Variants in KDM4C observed in about 807,000 individuals in gnomAD.
KDM4C encodes lysine-specific demethylase 4C.
In KDM4C, 81 loss-of-function variants were observed where a neutral mutation model predicts 129.3. That is an observed-to-expected ratio of 0.63 (90% CI 0.52 to 0.75). The LOEUF is 0.75. KDM4C is among the 30% of genes least tolerant of loss of function. The pLI is 0.00. For missense variants in KDM4C, 1,457 were observed against 1,304.0 expected (o/e 1.12, Z -1.81); for synonymous variants, 573 against 456.1 (o/e 1.26, Z -3.26).
chr9:7,112,355 G>T (rs1472332205), intron 18 of KDM4C, among the ~76,000 whole-genome samples: 3 of 152,082 alleles, frequency 2.0e-5, no homozygotes, highest in African/African-American at 4.8e-5. Flanking sequence ...GTGGATTAGA[G>T]AGTAGAAGGG....
intron 6 of KDM4C, among the ~76,000 whole-genome samples, chr9:6,884,438 T>C (rs924731414): frequency 1.3e-5 from 2 of 152,216 alleles, no homozygotes; most frequent in African/African-American, 2.4e-5. Flanking sequence ...ACTGAACCAA[T>C]TTTCTATACC....
At chr9:7,099,194 G>A (rs1836796983) in intron 17 of KDM4C, among the ~76,000 whole-genome samples, 1 of 152,032 alleles carries the variant, frequency 6.6e-6, no homozygotes, top group Admixed American at 6.5e-5. Context: ...GCCTGTTTGT[G>A]GAAGAAAAAA....
chr9:7,013,145 G>A (rs954084109), intron 13 of KDM4C, among the ~76,000 whole-genome samples: 9 of 151,996 alleles, frequency 5.9e-5, no homozygotes, highest in African/African-American at 2.2e-4. Flanking sequence ...AATAAGATTT[G>A]TGGAGATTTA....
chr9:6,808,741 C>G (rs945551780), intron 3 of KDM4C, among the ~76,000 whole-genome samples: 1 of 143,696 alleles, frequency 7.0e-6, no homozygotes, highest in African/African-American at 2.6e-5. Flanking sequence ...CTGCCATATT[C>G]TGTTTGTTAC....
rs1489556611 is a variant in KDM4C, at chr9:6,729,189, G to A, written c.49+8192G>A. 4.9e-5 allele frequency among the ~76,000 whole-genome samples: 3 copies of A among 61,362 alleles called. 1 individual carries two copies. The highest frequency in any genetic ancestry group is 3.4e-4 in the African/African-American group (3 of 8,838). 40.3% of individuals were successfully genotyped at this position (61,362 alleles called of 152,430 possible). A position where few individuals can be genotyped will look rare whatever the true frequency, so the allele number is the denominator to read the frequency against. Reference sequence around the variant, plus strand: ...ACTGCACTCCAGCCTGGGCGACAGAGCAAAGCTCCGTCTCCAAAAAAAAAA... The same window carrying A: ...ACTGCACTCCAGCCTGGGCGACAGAACAAAGCTCCGTCTCCAAAAAAAAAA... On this transcript the variant is annotated intron_variant, in intron 1 of 17. Coordinates refer to the KDM4C transcript ENST00000536108.
chr9:6,922,149 G>T (rs1231842279), intron 8 of KDM4C, among the ~76,000 whole-genome samples: 1 of 152,226 alleles, frequency 6.6e-6, no homozygotes. Context: ...ACAGAATGAA[G>T]CATGCAGACT....
intron 5 of KDM4C, among the ~76,000 whole-genome samples, chr9:6,871,937 G>A (rs1179023704): frequency 6.6e-6 from 1 of 152,118 alleles, no homozygotes; most frequent in Admixed American, 6.5e-5. Flanking sequence ...ACAATTGAAG[G>A]GCTCTGGGAG....
intron 8 of KDM4C, among the ~76,000 whole-genome samples, chr9:6,963,892 T>G (rs1004342077): frequency 5.9e-5 from 9 of 152,218 alleles, no homozygotes; most frequent in African/African-American, 1.9e-4. Flanking sequence ...CTATCACTTT[T>G]TTAGCTATTC....
chr9:6,803,822 T>C (rs1588383819), intron 2 of KDM4C, among the ~76,000 whole-genome samples: 1 of 152,098 alleles, frequency 6.6e-6, no homozygotes, highest in East Asian at 1.9e-4. Context: ...CGTTCTATTT[T>C]AATTTAATTT....
At chr9:7,164,514 G>A (rs951631252) in intron 19 of KDM4C, among the ~76,000 whole-genome samples, 1 of 152,162 alleles carries the variant, frequency 6.6e-6, no homozygotes. Flanking sequence ...TCAATTAACA[G>A]GAGATGCTGG....
chr9:6,804,308 C>T (rs982570131), intron 2 of KDM4C, among the ~76,000 whole-genome samples: 2 of 152,142 alleles, frequency 1.3e-5, no homozygotes, highest in Admixed American at 6.5e-5. Flanking sequence ...AGTGATGTCA[C>T]GTTGGTAGGT....
At chr9:7,160,764 C>T (rs1843700056) in intron 19 of KDM4C, among the ~76,000 whole-genome samples, 1 of 152,324 alleles carries the variant, frequency 6.6e-6, no homozygotes, top group South Asian at 2.1e-4. Context: ...GGAGTTGTCT[C>T]CCAGTTAGGC....
intron 8 of KDM4C, among the ~76,000 whole-genome samples, chr9:6,958,414 G>C (rs981239951): frequency 6.6e-6 from 1 of 151,912 alleles, no homozygotes; most frequent in Admixed American, 6.6e-5. Context: ...GTGAAACCCT[G>C]TCTCTACTAA....
chr9:6,747,229 A>C (rs964808823), intron 1 of KDM4C, among the ~76,000 whole-genome samples: 2 of 150,936 alleles, frequency 1.3e-5, no homozygotes, highest in Non-Finnish European at 2.9e-5. Context: ...AACCAACCAA[A>C]GAACCTGAGA....
At chr9:6,848,388 C>T (rs1015234490) in intron 4 of KDM4C, among the ~76,000 whole-genome samples, 3 of 151,266 alleles carry the variant, frequency 2.0e-5, no homozygotes, top group Non-Finnish European at 2.9e-5. Flanking sequence ...AGTGATTGGC[C>T]GGGTGTGGTG....
At chr9:6,765,015 A>C (rs1820337954) in intron 1 of KDM4C, among the ~76,000 whole-genome samples, 1 of 152,178 alleles carries the variant, frequency 6.6e-6, no homozygotes, top group South Asian at 2.1e-4. Context: ...CTTCTGCTTC[A>C]GGAATAATAT....
intron 1 of KDM4C, among the ~76,000 whole-genome samples, chr9:6,768,315 C>G (rs1317290577): frequency 6.6e-6 from 1 of 151,520 alleles, no homozygotes; most frequent in Non-Finnish European, 1.5e-5. Flanking sequence ...CAGGCCCCAG[C>G]TGATGGGTAG....
rs541014904 is a variant in KDM4C at position 6,967,317 on chromosome 9, G to A, written c.922-13608G>A. ...CAGGCGCCTGTAATCCCAGCTACTCGGGGGGCTGAAGCAGGAAGATCACTT... is the reference window on the plus strand; with the variant it reads ...CAGGCGCCTGTAATCCCAGCTACTCAGGGGGCTGAAGCAGGAAGATCACTT... On this transcript the variant is annotated intron_variant, in intron 8 of 21. Transcript: ENST00000381309. 1.1e-4 allele frequency among the ~76,000 whole-genome samples: 17 copies of A among 151,934 alleles called. No homozygotes were observed. In the East Asian group the frequency reaches 1.2e-3, roughly 10 times the overall value.
At chr9:6,775,493 G>A (rs1343370245) in intron 1 of KDM4C, among the ~76,000 whole-genome samples, 1 of 151,770 alleles carries the variant, frequency 6.6e-6, no homozygotes, top group African/African-American at 2.4e-5. Context: ...GTCTATTGTT[G>A]AACTTACGCT....
Sources: allele counts gnomAD v4.1 joint callset (sites outside exome capture counted in the v4.1 genomes callset), GRCh38; gene constraint gnomAD v4.1.1; transcripts MANE v1.5; gene names NCBI Gene and HGNC (gene_info 2026-07-23, HGNC 2026-07-21).